RAD51B: variants seen among roughly 807,000 people sequenced by gnomAD.
RAD51B encodes the protein DNA repair protein RAD51 homolog 2.
RAD51B carries 38 observed loss-of-function variants against 42.2 expected under a neutral mutation model. The ratio of observed to expected loss-of-function variants is 0.90; its 90% CI spans 0.70 to 1.18. The LOEUF (loss-of-function observed/expected upper bound fraction) is 1.18, where lower values mean the gene tolerates loss of function less well. Ranked by LOEUF, RAD51B falls within the 50% of genes most tolerant of loss-of-function variation. The pLI, the probability that RAD51B is intolerant of heterozygous loss-of-function variation, is 0.00. For synonymous variants in RAD51B, 154 were observed against 145.2 expected (o/e 1.06, Z -0.43); for missense variants, 373 against 400.7 (o/e 0.93, Z 0.59).
chr14:68,455,750 A>G lies in RAD51B; in HGVS notation c.958-12422A>G, dbSNP rs1004559370. Among the ~76,000 whole-genome samples, 9 of 152,272 alleles carry G rather than the reference A, an allele frequency of 5.9e-5. 1 individual carries two copies. Among genetic ancestry groups the G allele is most frequent in the African/African-American group, 2.2e-4 (9 of 41,562 alleles). On this transcript the variant is annotated intron_variant, in intron 9 of 10. Coordinates refer to ENST00000471583, the MANE Select transcript of RAD51B (RefSeq NM_133510.4). ...ATTAAAAAAAAAATTTTTTTTTAAA[A>G]AGTGTGTTGGTAAAGATAAATATGT...
intron 8 of RAD51B, among the ~76,000 whole-genome samples, chr14:68,350,416 T>C (rs1327310056): frequency 6.6e-6 from 1 of 152,240 alleles, no homozygotes; most frequent in Non-Finnish European, 1.5e-5. Context: ...GACTCTTGAA[T>C]GGACCAAATC....
intron 10 of RAD51B, among the ~76,000 whole-genome samples, chr14:68,626,798 T>C (rs919492606): frequency 6.6e-6 from 1 of 152,196 alleles, no homozygotes; most frequent in Admixed American, 6.5e-5. Flanking sequence ...CAAGTCACTA[T>C]AGGTAGACCA....
intron 8 of RAD51B, among the ~76,000 whole-genome samples, chr14:68,379,180 T>C (rs901843911): frequency 1.3e-5 from 2 of 152,224 alleles, no homozygotes; most frequent in African/African-American, 2.4e-5. Flanking sequence ...AGCTAGCTAC[T>C]CTCACCCAGT....
At chr14:68,250,689 C>A (rs1183531625) in intron 7 of RAD51B, among the ~76,000 whole-genome samples, 1 of 152,182 alleles carries the variant, frequency 6.6e-6, no homozygotes, top group East Asian at 1.9e-4. Flanking sequence ...CCCAGGACAA[C>A]CGGCATTAAT....
intron 4 of RAD51B, among the ~76,000 whole-genome samples, chr14:67,837,517 G>C (rs977562214): frequency 6.6e-6 from 1 of 152,080 alleles, no homozygotes; most frequent in Non-Finnish European, 1.5e-5. Flanking sequence ...TAAATACTTT[G>C]ACTCCTTAGT....
intron 5 of RAD51B, among the ~76,000 whole-genome samples, chr14:67,881,399 G>T (rs1409868525): frequency 2.6e-5 from 4 of 152,186 alleles, no homozygotes; most frequent in Non-Finnish European, 5.9e-5. Flanking sequence ...ACTTTCTGGT[G>T]GTTCTTTCCT....
At chr14:68,541,280 G>A (rs1887953248) in intron 10 of RAD51B, 1 of 985,428 alleles carries the variant, frequency 1.0e-6, no homozygotes, top group South Asian at 4.7e-5. Flanking sequence ...TGACAACTGG[G>A]TTCTTTGTGG....
intron 9 of RAD51B, among the ~76,000 whole-genome samples, chr14:68,466,194 G>A (rs116471858): frequency 0.012 from 1,778 of 152,192 alleles, 37 homozygotes; most frequent in African/African-American, 0.041. Flanking sequence ...CTTTCTTCTG[G>A]TAGGAGCCAA....
intron 9 of RAD51B, among the ~76,000 whole-genome samples, chr14:68,453,290 A>G (rs1378068228): frequency 1.3e-5 from 2 of 152,232 alleles, no homozygotes; most frequent in African/African-American, 4.8e-5. Flanking sequence ...AATCTTTTTG[A>G]GATATCAACA....
intron 7 of RAD51B, among the ~76,000 whole-genome samples, chr14:68,036,375 C>G (rs1480546572): frequency 2.0e-5 from 3 of 152,158 alleles, no homozygotes; most frequent in Admixed American, 6.6e-5. Context: ...TCTAAACAGG[C>G]CTTTGACATT....
At chr14:68,379,691 A>G (rs772887878) in intron 8 of RAD51B, among the ~76,000 whole-genome samples, 16 of 152,338 alleles carry the variant, frequency 1.1e-4, no homozygotes, top group Non-Finnish European at 2.1e-4. Context: ...GATACATCTG[A>G]ATGGAAAGGG....
At chr14:68,527,905 T>G (rs745939250) in intron 10 of RAD51B, among the ~76,000 whole-genome samples, 1 of 152,270 alleles carries the variant, frequency 6.6e-6, no homozygotes, top group African/African-American at 2.4e-5. Context: ...AGTGGAATTG[T>G]AAGGATATTT....
chr14:68,023,173 A>G (rs1344962056), intron 7 of RAD51B, among the ~76,000 whole-genome samples: 1 of 152,224 alleles, frequency 6.6e-6, no homozygotes, highest in Admixed American at 6.5e-5. Flanking sequence ...GTATATACCC[A>G]GTAATGGGAT....
At chr14:67,846,927 A>G (rs1194585485) in intron 4 of RAD51B, among the ~76,000 whole-genome samples, 1 of 152,014 alleles carries the variant, frequency 6.6e-6, no homozygotes, top group African/African-American at 2.4e-5. Flanking sequence ...CACCTCTCTA[A>G]GCACCTCTCC....
chr14:68,439,950 T>G (rs1474506004), intron 9 of RAD51B, among the ~76,000 whole-genome samples: 2 of 152,176 alleles, frequency 1.3e-5, no homozygotes, highest in African/African-American at 4.8e-5. Flanking sequence ...GTAGAAGAGT[T>G]GGCATTCTCT....
intron 2 of RAD51B, 34 bp from the exon 3 acceptor site, chr14:67,825,430 A>C: frequency 2.7e-6 from 4 of 1,459,730 alleles, no homozygotes; most frequent in Non-Finnish European, 2.9e-6. Context: ...TGTTACACAT[A>C]TATGTTTAAA....
At chr14:68,658,090 G>A (rs941758601) in intron 11 of RAD51B, among the ~76,000 whole-genome samples, 1 of 152,176 alleles carries the variant, frequency 6.6e-6, no homozygotes, top group African/African-American at 2.4e-5. Flanking sequence ...GCCAAGAAGC[G>A]CATCGCCACT....
intron 7 of RAD51B, among the ~76,000 whole-genome samples, chr14:68,075,132 ACAAT>A (rs2076811323): frequency 6.6e-6 from 1 of 151,808 alleles, no homozygotes; most frequent in Non-Finnish European, 1.5e-5. Context: ...AAGCTGCCTG[ACAAT>A]CAGAACAATC....
At chr14:68,486,575 A>C (rs1476191837) in intron 10 of RAD51B, among the ~76,000 whole-genome samples, 1 of 152,226 alleles carries the variant, frequency 6.6e-6, no homozygotes, top group Admixed American at 6.5e-5. Flanking sequence ...TGTCAATAAC[A>C]TAAGCCTCTC....
Sources: allele counts gnomAD v4.1 joint callset (sites outside exome capture counted in the v4.1 genomes callset), GRCh38; gene constraint gnomAD v4.1.1; transcripts MANE v1.5; gene names NCBI Gene and HGNC (gene_info 2026-07-23, HGNC 2026-07-21).